MEGF6: variants seen among roughly 807,000 people sequenced by gnomAD.
MEGF6 encodes multiple EGF like domains 6, also known as multiple epidermal growth factor-like domains protein 6.
In MEGF6, 184 loss-of-function variants were observed where a neutral mutation model predicts 207.1. The observed-to-expected ratio is 0.89, with a 90% CI of 0.79 to 1.00. The LOEUF is 1.00. MEGF6 is among the 50% of genes least tolerant of loss of function. The pLI, the probability that MEGF6 is intolerant of heterozygous loss-of-function variation, is 0.00. For missense variants in MEGF6, 2,282 were observed against 2,202.9 expected, an observed-to-expected ratio of 1.04 and a Z score of -0.72; for synonymous variants, 1,038 against 910.0, an observed-to-expected ratio of 1.14 and a Z score of -2.53.
chr1:3,557,491 G>A (rs1017204386), intron 4 of MEGF6, among the ~76,000 whole-genome samples: 9 of 152,188 alleles, frequency 5.9e-5, no homozygotes, highest in African/African-American at 2.2e-4. Context: ...CGGCGTCCAG[G>A]CTACGTGCCC....
intron 3 of MEGF6, among the ~76,000 whole-genome samples, chr1:3,586,790 C>T (rs10909977): frequency 0.6 from 90,521 of 152,120 alleles, 29,762 homozygotes; most frequent in Non-Finnish European, 0.74. Flanking sequence ...GCAGAGGCCA[C>T]AGGGCCCAGA....
chr1:3,583,207 T>A (rs1643841472), intron 3 of MEGF6, among the ~76,000 whole-genome samples: 1 of 152,120 alleles, frequency 6.6e-6, no homozygotes, highest in African/African-American at 2.4e-5. Flanking sequence ...AGAGCAGGTG[T>A]TCCTGGTAGA....
intron 3 of MEGF6, among the ~76,000 whole-genome samples, chr1:3,585,860 C>G (rs1643886179): frequency 7.3e-6 from 1 of 136,556 alleles, no homozygotes; most frequent in Non-Finnish European, 1.5e-5. Context: ...GGACACTTGT[C>G]CTGTGTGTGG....
At chr1:3,491,119 G>A (rs919556022) in intron 35 of MEGF6, among the ~76,000 whole-genome samples, 160 bp from the exon 36 acceptor site, 3 of 130,384 alleles carry the variant, frequency 2.3e-5, no homozygotes, top group Non-Finnish European at 4.5e-5. Context: ...AAGGAACGGG[G>A]GCGGGAGCTG....
chr1:3,548,859 G>A (rs1642798653), intron 4 of MEGF6, among the ~76,000 whole-genome samples: 1 of 152,166 alleles, frequency 6.6e-6, no homozygotes, highest in Admixed American at 6.5e-5. Context: ...CACTGCAGCT[G>A]GGGGCCTTCA....
chr1:3,502,132 G>C (rs944541716), intron 17 of MEGF6, among the ~76,000 whole-genome samples: 1 of 2,958 alleles, frequency 3.4e-4, no homozygotes, highest in African/African-American at 2.9e-3. Context: ...CCCGGGGGTG[G>C]GGCTGCTGAG....
intron 5 of MEGF6, among the ~76,000 whole-genome samples, chr1:3,517,562 G>A (rs577371901): frequency 8.6e-4 from 131 of 152,358 alleles, no homozygotes; most frequent in Non-Finnish European, 1.6e-3. Context: ...GCTGGGATAT[G>A]CAGCTCAGGA....
chr1:3,526,778 G>A (rs1641980276), intron 4 of MEGF6, among the ~76,000 whole-genome samples: 1 of 152,172 alleles, frequency 6.6e-6, no homozygotes, highest in Non-Finnish European at 1.5e-5. Flanking sequence ...GGGCCGCTGA[G>A]AGCCGCCAAA....
chr1:3,509,363 G>A, intron 11 of MEGF6, 118 bp from the exon 12 acceptor site: 1 of 826,674 alleles, frequency 1.2e-6, no homozygotes, highest in Non-Finnish European at 1.7e-6. Context: ...CCCTCCTACT[G>A]CCTCCACTAC....
In MEGF6 at chr1:3,490,576, G is replaced by A. The variant is rs762723979; in HGVS notation, c.4578C>T (p.Pro1526=). The A allele has an allele frequency of 1.9e-5, 30 of 1,613,278 alleles. No homozygotes were observed. The highest frequency in any genetic ancestry group is 4.0e-5 in the African/African-American group (3 of 74,932). Reference sequence around the variant, plus strand: ...TCCGGGATGTGGGTCTGCTGGAGGCGGGCAGTGTGCCCGCTGGGGAAAAGG... The same window carrying A: ...TCCGGGATGTGGGTCTGCTGGAGGCAGGCAGTGTGCCCGCTGGGGAAAAGG... The part of the protein sequence containing the change: ...SLAQGSAGTL[P]ASSRPTSRSG... Residue 1526 remains proline, a synonymous_variant, in exon 37 of 37, where the codon CCC becomes CCT. Transcript: ENST00000356575.
At chr1:3,547,911 G>A (rs1482546185) in intron 4 of MEGF6, among the ~76,000 whole-genome samples, 1 of 152,204 alleles carries the variant, frequency 6.6e-6, no homozygotes, top group Admixed American at 6.5e-5. Context: ...AGGGAAGAAG[G>A]GAATCAAGTG....
At chr1:3,622,234 G>A in the MEGF6 span, among the ~76,000 whole-genome samples, 1 of 152,172 alleles carries the variant, frequency 6.6e-6, no homozygotes, top group Non-Finnish European at 1.5e-5. Context: ...GACCTGGTGG[G>A]AGGTGATTGG....
chr1:3,600,430 C>T (rs1271118545), intron 2 of MEGF6, among the ~76,000 whole-genome samples: 1 of 152,118 alleles, frequency 6.6e-6, no homozygotes, highest in Non-Finnish European at 1.5e-5. Context: ...TGGGCAAGGG[C>T]TCAGGGTTAG....
At chr1:3,567,870 C>CT (rs1215196002) in intron 4 of MEGF6, among the ~76,000 whole-genome samples, 1 of 152,154 alleles carries the variant, frequency 6.6e-6, no homozygotes, top group African/African-American at 2.4e-5. Context: ...CCCCTCCCCT[C>CT]TTTCCTCACT....
At chr1:3,508,761 G>A (rs1346362597) in intron 12 of MEGF6, 72 bp from the exon 13 acceptor site, 4 of 1,569,210 alleles carry the variant, frequency 2.5e-6, no homozygotes, top group Middle Eastern at 1.7e-4. Flanking sequence ...GCCCGGCTCA[G>A]ACCCTCAGGC....
rs1462284742 is a variant in MEGF6, at chr1:3,595,477, A to T, written c.267-30T>A. Reference sequence around the variant, plus strand: ...AAAGAAAGAGAGAAGGGAAGTGCTTACCGTCGCGGGACTGGCTGTATTCGG... The same window carrying T: ...AAAGAAAGAGAGAAGGGAAGTGCTTTCCGTCGCGGGACTGGCTGTATTCGG... On this transcript the variant is annotated intron_variant, in intron 2 of 36. Transcript: ENST00000356575. 3 of 1,578,428 alleles carry T rather than the reference A, an allele frequency of 1.9e-6. No homozygotes were observed. The African/African-American group carries it at 4.0e-5, about 21-fold the overall frequency.
intron 4 of MEGF6, among the ~76,000 whole-genome samples, chr1:3,557,428 C>T (rs918541012): frequency 3.3e-5 from 5 of 152,324 alleles, no homozygotes; most frequent in East Asian, 1.9e-4. Context: ...GCATCCTGCC[C>T]GGCCAGGCTG....
chr1:3,561,046 A>G (rs1643184646), intron 4 of MEGF6, among the ~76,000 whole-genome samples: 1 of 152,152 alleles, frequency 6.6e-6, no homozygotes, highest in Admixed American at 6.5e-5. Context: ...TTCTCCCCCA[A>G]GTCTGCCCTG....
chr1:3,489,508 C>T lies in MEGF6; in HGVS notation c.*1020G>A, dbSNP rs1016020493. ...CTTCCAGGAGAAGTCAGCCTCAGCC[C>T]ATGAGTGCCAGGTGCTCGGGAGGGC... On this transcript the variant is annotated 3_prime_UTR_variant, in exon 37 of 37. Coordinates refer to ENST00000356575, the MANE Select transcript of MEGF6 (RefSeq NM_001409.4). Among the ~76,000 whole-genome samples the T allele has an allele frequency of 4.6e-5, 7 of 152,198 alleles. No homozygotes were observed. Among genetic ancestry groups the T allele is most frequent in the Admixed American group, 2.6e-4 (4 of 15,290 alleles).
Sources: gnomAD v4.1 joint callset for allele counts (sites outside exome capture counted in the v4.1 genomes callset) on GRCh38, gnomAD v4.1.1 for gene constraint, MANE v1.5 for transcripts, NCBI Gene and HGNC (gene_info 2026-07-23, HGNC 2026-07-21) for gene names.